The following CCDC7 variants were observed in gnomAD, a reference collection of about 807,000 sequenced individuals.
CCDC7 encodes the protein coiled-coil domain-containing protein 7.
A neutral mutation model predicts 196.9 loss-of-function variants in CCDC7; 183 were observed. The observed-to-expected ratio is 0.93, with a 90% CI of 0.82 to 1.05. The LOEUF (loss-of-function observed/expected upper bound fraction) is 1.05. CCDC7 is among the 50% of genes least tolerant of loss of function. CCDC7 has a pLI of 0.00. For missense variants in CCDC7, 1,540 were observed against 1,482.2 expected (o/e 1.04, Z -0.64); for synonymous variants, 525 against 484.6 (o/e 1.08, Z -1.10).
chr10:32,881,749 A>G (rs1479188245), downstream of CCDC7, among the ~76,000 whole-genome samples: 3 of 152,022 alleles, frequency 2.0e-5, no homozygotes, highest in African/African-American at 7.2e-5. Context: ...ACACCCCACA[A>G]TTACAGGCAT....
chr10:32,740,085 C>A (rs962974687), intron 28 of CCDC7, among the ~76,000 whole-genome samples: 2 of 152,106 alleles, frequency 1.3e-5, no homozygotes, highest in Non-Finnish European at 2.9e-5. Flanking sequence ...TTTTTCTCCC[C>A]AACATCCCAG....
chr10:32,513,738 A>G (rs2046593664), intron 9 of CCDC7: 1 of 152,180 alleles, frequency 6.6e-6, no homozygotes, highest in African/African-American at 2.4e-5. Context: ...TGATTAAATA[A>G]AGGAGAAAAA....
chr10:32,642,661 G>A (rs2067048178), intron 20 of CCDC7, among the ~76,000 whole-genome samples: 1 of 152,062 alleles, frequency 6.6e-6, no homozygotes, highest in South Asian at 2.1e-4. Flanking sequence ...CGCACCCACT[G>A]TCCTGCAACC....
At chr10:32,775,184 G>A (rs1474789111) in intron 28 of CCDC7, among the ~76,000 whole-genome samples, 2 of 152,154 alleles carry the variant, frequency 1.3e-5, no homozygotes, top group Non-Finnish European at 2.9e-5. Flanking sequence ...CACTTTGGAG[G>A]AAAACCTGTG....
intron 18 of CCDC7, among the ~76,000 whole-genome samples, chr10:32,603,233 A>G (rs904085868): frequency 6.6e-6 from 1 of 151,340 alleles, no homozygotes; most frequent in African/African-American, 2.4e-5. Flanking sequence ...GGCTTATTTC[A>G]CTTAACATAA....
chr10:32,468,241 T>G (rs1476136530), intron 5 of CCDC7, among the ~76,000 whole-genome samples: 1 of 152,228 alleles, frequency 6.6e-6, no homozygotes, highest in African/African-American at 2.4e-5. Flanking sequence ...TTCCATTTGT[T>G]TGTGTCATTT....
intron 41 of CCDC7, among the ~76,000 whole-genome samples, chr10:32,864,921 A>G (rs879850681): frequency 1.3e-5 from 2 of 151,920 alleles, no homozygotes; most frequent in Non-Finnish European, 2.9e-5. Flanking sequence ...CTTTGTGTGT[A>G]ACCACCAAAT....
intron 11 of CCDC7, among the ~76,000 whole-genome samples, chr10:32,528,514 G>A (rs531714550): frequency 5.8e-4 from 88 of 151,232 alleles, no homozygotes; most frequent in African/African-American, 1.8e-3. Flanking sequence ...TTTGGTTTTC[G>A]ATTCCTGAGT....
chr10:32,535,682 A>G (rs1192957309), intron 11 of CCDC7, among the ~76,000 whole-genome samples: 1 of 152,294 alleles, frequency 6.6e-6, no homozygotes, highest in East Asian at 1.9e-4. Flanking sequence ...GCCCTTAGAA[A>G]CAATAGATAG....
intron 29 of CCDC7, among the ~76,000 whole-genome samples, chr10:32,795,257 A>G (rs377115444): frequency 3.9e-4 from 60 of 152,026 alleles, no homozygotes; most frequent in African/African-American, 1.4e-3. Flanking sequence ...TCTTCGTTCC[A>G]TGTCATTCTT....
At chr10:32,709,570 C>G (rs1315265692) in intron 24 of CCDC7, among the ~76,000 whole-genome samples, 1 of 152,114 alleles carries the variant, frequency 6.6e-6, no homozygotes, top group Non-Finnish European at 1.5e-5. Flanking sequence ...AAATCTAATG[C>G]CACTGGTGAT....
intron 28 of CCDC7, among the ~76,000 whole-genome samples, chr10:32,762,384 T>G (rs560398347): frequency 6.6e-6 from 1 of 151,774 alleles, no homozygotes; most frequent in African/African-American, 2.4e-5. Context: ...CTGCCTGATA[T>G]ATATATAATA....
At chr10:32,669,220 C>G (rs918636612) in intron 21 of CCDC7, among the ~76,000 whole-genome samples, 3 of 151,998 alleles carry the variant, frequency 2.0e-5, no homozygotes, top group African/African-American at 7.2e-5. Flanking sequence ...TATGTTGAAC[C>G]ATCCTTGCAC....
At chr10:32,697,669 G>A (rs1016725109) in intron 24 of CCDC7, among the ~76,000 whole-genome samples, 4 of 152,168 alleles carry the variant, frequency 2.6e-5, no homozygotes, top group Non-Finnish European at 4.4e-5. Context: ...CAAAGCAACT[G>A]GGAAGCTCGA....
intron 28 of CCDC7, among the ~76,000 whole-genome samples, chr10:32,758,654 A>G (rs1013873435): frequency 2.6e-5 from 4 of 152,194 alleles, no homozygotes; most frequent in African/African-American, 9.6e-5. Context: ...TGAATGGGCA[A>G]AAACTGGAAG....
At chr10:32,826,330 G>GA (rs1426641354) in intron 32 of CCDC7, among the ~76,000 whole-genome samples, 1 of 152,150 alleles carries the variant, frequency 6.6e-6, no homozygotes, top group Non-Finnish European at 1.5e-5. Flanking sequence ...TCCAGCACAG[G>GA]AAAAAGATGC....
chr10:32,858,389 T>C (rs1198066164), intron 41 of CCDC7, among the ~76,000 whole-genome samples: 1 of 152,088 alleles, frequency 6.6e-6, no homozygotes, highest in Non-Finnish European at 1.5e-5. Context: ...GATGCAAAAA[T>C]GCTCAATTAA....
chr10:32,642,692 G>T (rs1163088196), intron 20 of CCDC7, among the ~76,000 whole-genome samples: 1 of 152,206 alleles, frequency 6.6e-6, no homozygotes, highest in Non-Finnish European at 1.5e-5. Flanking sequence ...ACTCCGCAGT[G>T]TGATGAACCC....
Position 32,717,563 on chromosome 10 carries a change from C to G in CCDC7, c.2569+5833C>G, listed in dbSNP as rs368114038. Reference sequence around the variant, plus strand: ...TGAAGGAGAGAGAGACACGAAAAACCCTTCAAAAATAAATGAATTCAGGAG... The same window carrying G: ...TGAAGGAGAGAGAGACACGAAAAACGCTTCAAAAATAAATGAATTCAGGAG... On this transcript the variant is annotated intron_variant, in intron 25 of 41. Transcript: ENST00000639629. Among the ~76,000 whole-genome samples the G allele has an allele frequency of 3.3e-5, 5 of 152,020 alleles. No homozygotes were observed. In the East Asian group the frequency reaches 7.7e-4, roughly 23 times the overall value.
Sources: allele counts gnomAD v4.1 joint callset (sites outside exome capture counted in the v4.1 genomes callset), GRCh38; gene constraint gnomAD v4.1.1; transcripts MANE v1.5; gene names NCBI Gene and HGNC (gene_info 2026-07-23, HGNC 2026-07-21).